The following MC2R variants were observed in gnomAD, a reference collection of about 807,000 sequenced individuals.
MC2R encodes melanocortin 2 receptor, also known as adrenocorticotropic hormone receptor.
Under a neutral mutation model 9.8 loss-of-function variants are expected in MC2R, and 9 were observed. That is an observed-to-expected ratio of 0.92 (90% CI 0.55 to 1.60). The LOEUF (loss-of-function observed/expected upper bound fraction) is 1.60, where lower values mean the gene tolerates loss of function less well. Ranked by LOEUF, MC2R falls within the 40% of genes most tolerant of loss-of-function variation. The pLI is 0.00. For missense variants in MC2R, 370 were observed against 389.0 expected (o/e 0.95, Z 0.41); for synonymous variants, 185 against 154.7 (o/e 1.20, Z -1.45).
At chr18:13,897,325 C>T (rs146098495) in intron 1 of MC2R, among the ~76,000 whole-genome samples, 16 of 152,214 alleles carry the variant, frequency 1.1e-4, no homozygotes, top group African/African-American at 3.9e-4. Context: ...TAGACCAGCC[C>T]TAGCCAGGGG....
intron 1 of MC2R, among the ~76,000 whole-genome samples, chr18:13,897,495 G>A (rs551071573): frequency 2.6e-5 from 4 of 152,270 alleles, no homozygotes; most frequent in South Asian, 4.1e-4. Flanking sequence ...CAGAGACAGC[G>A]GACTTGGGGG....
chr18:13,887,966 G>C (rs1050665949), intron 1 of MC2R, among the ~76,000 whole-genome samples: 1 of 152,062 alleles, frequency 6.6e-6, no homozygotes, highest in Admixed American at 6.5e-5. Context: ...CAGAATCCTG[G>C]TTAATACAGG....
intron 1 of MC2R, among the ~76,000 whole-genome samples, chr18:13,888,373 G>A (rs547077919): frequency 8.7e-4 from 132 of 152,322 alleles, no homozygotes; most frequent in African/African-American, 2.9e-3. Context: ...CCCATTCTTG[G>A]TTGAAGGGCC....
At position 13,913,824 on chromosome 18, in the gene MC2R, A is replaced by G. The variant is rs2045460816; in HGVS notation, c.-129+1664T>C. Among the ~76,000 whole-genome samples, 2 of 152,184 alleles carry G rather than the reference A, an allele frequency of 1.3e-5. 1 individual carries two copies. The highest frequency in any genetic ancestry group is 4.1e-4 in the South Asian group (2 of 4,828). On this transcript the variant is annotated intron_variant, in intron 1 of 1. Transcript: ENST00000327606. Reference sequence around the variant, plus strand: ...TGTAGCTGTTTGTTCTTATTTCTACAACGGCATTATTCACATGAAAACCCT... The same window carrying G: ...TGTAGCTGTTTGTTCTTATTTCTACGACGGCATTATTCACATGAAAACCCT...
chr18:13,904,388 A>T (rs2045399359), intron 1 of MC2R, among the ~76,000 whole-genome samples: 1 of 151,630 alleles, frequency 6.6e-6, no homozygotes. Context: ...CTCAAAAAAA[A>T]AAAAAAAAAA....
intron 1 of MC2R, among the ~76,000 whole-genome samples, chr18:13,891,303 T>A (rs940144975): frequency 2.6e-5 from 4 of 152,268 alleles, no homozygotes; most frequent in Non-Finnish European, 2.9e-5. Flanking sequence ...ATTGTATGGA[T>A]GTATCCCAAG....
chr18:13,896,596 C>G (rs1355785960), intron 1 of MC2R, among the ~76,000 whole-genome samples: 6 of 152,088 alleles, frequency 3.9e-5, no homozygotes, highest in Non-Finnish European at 8.8e-5. Flanking sequence ...ATAAATTATT[C>G]AAAATCCAGG....
At chr18:13,897,611 C>T (rs1309049018) in intron 1 of MC2R, among the ~76,000 whole-genome samples, 1 of 152,002 alleles carries the variant, frequency 6.6e-6, no homozygotes, top group South Asian at 2.1e-4. Flanking sequence ...GACACCCCTT[C>T]CTTCTGCTTG....
At chr18:13,910,798 C>G (rs1336861963) in intron 1 of MC2R, among the ~76,000 whole-genome samples, 3 of 152,190 alleles carry the variant, frequency 2.0e-5, no homozygotes, top group Non-Finnish European at 4.4e-5. Context: ...TGGAATCTCT[C>G]AATCCATCTA....
intron 1 of MC2R, among the ~76,000 whole-genome samples, chr18:13,888,271 G>T (rs1274457732): frequency 2.0e-5 from 3 of 152,058 alleles, no homozygotes; most frequent in Non-Finnish European, 2.9e-5. Context: ...TGTGCCCATG[G>T]GGTCCCTTCA....
intron 1 of MC2R, among the ~76,000 whole-genome samples, chr18:13,907,626 A>T (rs2149143056): frequency 6.6e-6 from 1 of 152,368 alleles, no homozygotes; most frequent in South Asian, 2.1e-4. Flanking sequence ...CTCTCCATCC[A>T]GCAAGAGATT....
At chr18:13,893,057 T>A (rs139609638) in intron 1 of MC2R, among the ~76,000 whole-genome samples, 2 of 152,350 alleles carry the variant, frequency 1.3e-5, no homozygotes, top group East Asian at 3.9e-4. Flanking sequence ...GATCTCAATC[T>A]TCAGTTCATG....
At chr18:13,901,814 C>T (rs1028681783) in intron 1 of MC2R, among the ~76,000 whole-genome samples, 7 of 152,096 alleles carry the variant, frequency 4.6e-5, no homozygotes, top group African/African-American at 1.7e-4. Flanking sequence ...TAAAGAAGAA[C>T]TAGTACCAAT....
chr18:13,911,768 G>A (rs1252818793), intron 1 of MC2R, among the ~76,000 whole-genome samples: 1 of 152,222 alleles, frequency 6.6e-6, no homozygotes, highest in Non-Finnish European at 1.5e-5. Flanking sequence ...GAGGAAGAAA[G>A]ATTTAAGATC....
chr18:13,914,468 C>T (rs190690406), intron 1 of MC2R, among the ~76,000 whole-genome samples: 1 of 152,334 alleles, frequency 6.6e-6, no homozygotes, highest in East Asian at 1.9e-4. Context: ...CCTGTGACCA[C>T]CGCTTCACTC....
Position 13,883,526 on chromosome 18 carries a change from T to A in MC2R, c.*1099A>T, listed in dbSNP as rs3888305. On this transcript the variant is annotated 3_prime_UTR_variant, in exon 2 of 2. Coordinates refer to ENST00000327606, the MANE Select transcript of MC2R (RefSeq NM_000529.2). ...CTATAATAACAGCACCATTGCTTGA[T>A]GTCTTGCTTTGGTTTTGGTTTTCCC... 0.56 allele frequency: 84,839 copies of A among 150,542 alleles called. 25,589 individuals carry two copies. The highest frequency in any genetic ancestry group is 0.79 in the African/African-American group (32,408 of 40,796). The allele number at this position is 150,542 out of a possible 1,614,324, so 9.3% of individuals were successfully genotyped here.
chr18:13,888,367 T>A (rs910780017), intron 1 of MC2R, among the ~76,000 whole-genome samples: 4 of 152,192 alleles, frequency 2.6e-5, no homozygotes, highest in Non-Finnish European at 5.9e-5. Context: ...TGTGGCCCCA[T>A]TCTTGGTTGA....
chr18:13,885,911 A>G (rs2045273284), intron 1 of MC2R, among the ~76,000 whole-genome samples: 2 of 152,232 alleles, frequency 1.3e-5, no homozygotes, highest in Non-Finnish European at 2.9e-5. Context: ...AAAAAGAATA[A>G]GGTCATGTCT....
chr18:13,886,898 T>C (rs995597308), intron 1 of MC2R, among the ~76,000 whole-genome samples: 15 of 152,134 alleles, frequency 9.9e-5, no homozygotes, highest in Non-Finnish European at 7.4e-5. Flanking sequence ...TTGGAAAGGA[T>C]TGGGTCAGAG....
Sources: allele counts gnomAD v4.1 joint callset (sites outside exome capture counted in the v4.1 genomes callset), GRCh38; gene constraint gnomAD v4.1.1; transcripts MANE v1.5; gene names NCBI Gene and HGNC (gene_info 2026-07-23, HGNC 2026-07-21).